Variants in ASAP2 observed in about 807,000 individuals in gnomAD.
ASAP2 encodes the protein ArfGAP with SH3 domain, ankyrin repeat and PH domain 2, also known as arf-GAP with SH3 domain, ANK repeat and PH domain-containing protein 2.
A neutral mutation model predicts 131.4 loss-of-function variants in ASAP2; 45 were observed. That is an observed-to-expected ratio of 0.34 (90% confidence interval 0.27 to 0.44). The LOEUF (loss-of-function observed/expected upper bound fraction) is 0.44, where lower values mean the gene tolerates loss of function less well. Ranked by LOEUF, ASAP2 falls within the 20% of genes least tolerant of loss-of-function variation. ASAP2 has a pLI of 1.00. For synonymous variants in ASAP2, 510 were observed against 503.0 expected, an observed-to-expected ratio of 1.01 and a Z score of -0.19; for missense variants, 1,011 against 1,297.0, an observed-to-expected ratio of 0.78 and a Z score of 3.39.
chr2:9,216,446 CTGTT>C (rs1662043544), intron 1 of ASAP2, among the ~76,000 whole-genome samples: 1 of 147,280 alleles, frequency 6.8e-6, no homozygotes, highest in Non-Finnish European at 1.5e-5. Context: ...CCCACCATGC[CTGTT>C]TAATTTTTTT....
intron 6 of ASAP2, 152 bp from the exon 7 acceptor site, chr2:9,327,674 A>G (rs1288535290): frequency 3.5e-6 from 2 of 563,574 alleles, no homozygotes; most frequent in African/African-American, 2.0e-5. Context: ...AGAAACGGTT[A>G]CGGAATCCAG....
rs192991637 is a variant in ASAP2, at chr2:9,389,803, C to T, written c.2383+1257C>T. Reference sequence around the variant, plus strand: ...GCGTCCATCCCTGGCTTGATGAGGACGTCCCTGAGCACAGAAGGCAGCTAC... The same window carrying T: ...GCGTCCATCCCTGGCTTGATGAGGATGTCCCTGAGCACAGAAGGCAGCTAC... On this transcript the variant is annotated intron_variant, in intron 22 of 27. Coordinates refer to ENST00000281419, the MANE Select transcript of ASAP2 (RefSeq NM_003887.3). This position sits in a 1 kb window ranked among gnomAD's most constrained non-coding sequence, Gnocchi z 4.7. Among the ~76,000 whole-genome samples, 8 of 152,276 alleles carry T rather than the reference C, an allele frequency of 5.3e-5. No homozygotes were observed. Among genetic ancestry groups the T allele is most frequent in the Non-Finnish European group, 7.4e-5 (5 of 68,022 alleles).
At chr2:9,230,911 G>A (rs1663113643) in intron 1 of ASAP2, among the ~76,000 whole-genome samples, 2 of 152,182 alleles carry the variant, frequency 1.3e-5, no homozygotes, top group Admixed American at 1.3e-4. Context: ...AGGGGGTCCT[G>A]TGTGACCTTG....
At chr2:9,362,205 GCCT>G (rs538013410) in intron 15 of ASAP2, among the ~76,000 whole-genome samples, 1 of 152,108 alleles carries the variant, frequency 6.6e-6, no homozygotes, top group Non-Finnish European at 1.5e-5. Flanking sequence ...GCCATGCAGG[GCCT>G]CGGCTGACTT....
At chr2:9,314,105 T>G (rs1669492021) in intron 3 of ASAP2, among the ~76,000 whole-genome samples, 1 of 152,198 alleles carries the variant, frequency 6.6e-6, no homozygotes, top group South Asian at 2.1e-4. Flanking sequence ...TGCCTCAGCC[T>G]CCCGAGTAGC....
chr2:9,382,715 C>G (rs1445522274), intron 20 of ASAP2, among the ~76,000 whole-genome samples: 1 of 152,172 alleles, frequency 6.6e-6, no homozygotes, highest in Non-Finnish European at 1.5e-5. Flanking sequence ...GGGGAAAACT[C>G]TAGCCCTGTT....
chr2:9,300,462 T>G (rs2148408082), intron 3 of ASAP2, among the ~76,000 whole-genome samples: 1 of 152,368 alleles, frequency 6.6e-6, no homozygotes, highest in East Asian at 1.9e-4. Context: ...GCTGGTACAT[T>G]GCTCACCACC....
intron 15 of ASAP2, among the ~76,000 whole-genome samples, chr2:9,363,106 A>C (rs114803399): frequency 1.3e-5 from 2 of 152,310 alleles, no homozygotes; most frequent in Non-Finnish European, 2.9e-5. Context: ...AGGTTCATCC[A>C]TGTTGTCACA....
chr2:9,344,013 A>G (rs1372024230), intron 9 of ASAP2, among the ~76,000 whole-genome samples: 5 of 152,350 alleles, frequency 3.3e-5, no homozygotes, highest in Middle Eastern at 3.4e-3. Flanking sequence ...TGATGTTCAC[A>G]TGTGTGATCC....
At position 9,388,524 on chromosome 2, in the gene ASAP2, T is replaced by A; in HGVS notation, c.2361T>A (p.Leu787=). 1 of 1,613,164 alleles carries A rather than the reference T, an allele frequency of 6.2e-7. No homozygotes were observed. The highest frequency in any genetic ancestry group is 8.5e-7 in the Non-Finnish European group (1 of 1,179,666). The stretch of plus-strand genomic sequence containing the variant: ...CCAGCACCACCAGCGCCCCCCCGCT[T>A]CCTCCACGGAATGTTGGCAAAGGTA... ...AAPSTTSAPP[L]PPRNVGKVQT... is the part of the protein sequence containing the mutation. Residue 787 remains leucine, a synonymous_variant, in exon 22 of 28, where the codon CTT becomes CTA. Transcript: ENST00000281419.
intron 1 of ASAP2, among the ~76,000 whole-genome samples, chr2:9,212,875 G>A (rs769413914): frequency 2.6e-5 from 4 of 152,328 alleles, no homozygotes; most frequent in Admixed American, 1.3e-4. Context: ...CCACAGGCAC[G>A]TGAGAGCTTG....
intron 15 of ASAP2, among the ~76,000 whole-genome samples, chr2:9,359,111 A>C (rs560925899): frequency 1.6e-4 from 24 of 152,358 alleles, no homozygotes; most frequent in African/African-American, 5.5e-4. Context: ...AAGGGGAGTG[A>C]AACCAAAACA....
chr2:9,325,106 A>G (rs1670397218), intron 6 of ASAP2, among the ~76,000 whole-genome samples: 1 of 152,248 alleles, frequency 6.6e-6, no homozygotes, highest in South Asian at 2.1e-4. Context: ...TTCTCAAGAT[A>G]AAGCCTTTAA....
chr2:9,271,345 G>T, intron 1 of ASAP2: 1 of 1,115,836 alleles, frequency 9.0e-7, no homozygotes, highest in Non-Finnish European at 1.4e-6. Context: ...CGAGGAACTG[G>T]CATAATATAT....
At chr2:9,218,644 C>G (rs2147968584) in intron 1 of ASAP2, among the ~76,000 whole-genome samples, 1 of 152,262 alleles carries the variant, frequency 6.6e-6, no homozygotes, top group East Asian at 1.9e-4. Flanking sequence ...GCTCTTGGAC[C>G]TTGGAGCAGG....
chr2:9,357,287 T>C (rs1418986918), intron 14 of ASAP2, among the ~76,000 whole-genome samples: 1 of 151,976 alleles, frequency 6.6e-6, no homozygotes, highest in Non-Finnish European at 1.5e-5. Context: ...AAGACCAGCC[T>C]GGCCAACATG....
At chr2:9,395,594 CTTTTTTTTTTTTTTTTTT>C in intron 24 of ASAP2, among the ~76,000 whole-genome samples, 18 of 59,050 alleles carry the variant, frequency 3.0e-4, no homozygotes, top group African/African-American at 6.3e-4. Flanking sequence ...TGTTTTTTTT[CTTTTTTTTTTTTTTTTTT>C]TTTTTTTTTT....
At chr2:9,333,632 G>T (rs1434811651) in intron 7 of ASAP2, among the ~76,000 whole-genome samples, 1 of 152,184 alleles carries the variant, frequency 6.6e-6, no homozygotes, top group Non-Finnish European at 1.5e-5. Flanking sequence ...GAAAAGGCCG[G>T]TATGTCTGGA....
intron 5 of ASAP2, among the ~76,000 whole-genome samples, chr2:9,320,817 CA>C (rs1670103373): frequency 6.6e-6 from 1 of 152,112 alleles, no homozygotes; most frequent in African/African-American, 2.4e-5. Flanking sequence ...ATTCATCTGC[CA>C]AAAAATAACC....
Sources: allele counts gnomAD v4.1 joint callset (sites outside exome capture counted in the v4.1 genomes callset), GRCh38; gene constraint gnomAD v4.1.1; non-coding constraint Gnocchi (gnomAD v3.1); transcripts MANE v1.5; gene names NCBI Gene and HGNC (gene_info 2026-07-23, HGNC 2026-07-21).